The following EIF4G3 variants were observed in gnomAD, a reference collection of about 807,000 sequenced individuals.
The protein encoded by EIF4G3 is eukaryotic translation initiation factor 4 gamma 3.
Under a neutral mutation model 186.4 loss-of-function variants are expected in EIF4G3, and 34 were observed. That is an observed-to-expected ratio of 0.18 (90% CI 0.14 to 0.24). The LOEUF (loss-of-function observed/expected upper bound fraction) is 0.24, where lower values mean the gene tolerates loss of function less well. Ranked by LOEUF, EIF4G3 falls within the 10% of genes least tolerant of loss-of-function variation. EIF4G3 has a pLI of 1.00. For missense variants in EIF4G3, 1,536 were observed against 1,948.5 expected, an observed-to-expected ratio of 0.79 and a Z score of 3.99; for synonymous variants, 673 against 679.5, an observed-to-expected ratio of 0.99 and a Z score of 0.15.
chr1:21,011,209 T>TAAAA (rs970430807), intron 4 of EIF4G3, among the ~76,000 whole-genome samples: 66 of 145,434 alleles, frequency 4.5e-4, no homozygotes, highest in Middle Eastern at 3.6e-3. Flanking sequence ...AACTTTTTTT[T>TAAAA]AAAAAAAAAA....
chr1:20,880,547 T>C (rs1312467535), intron 19 of EIF4G3, among the ~76,000 whole-genome samples: 1 of 152,176 alleles, frequency 6.6e-6, no homozygotes, highest in African/African-American at 2.4e-5. Flanking sequence ...GGCCAGAGGT[T>C]CGAGACCAGC....
intron 14 of EIF4G3, chr1:20,941,282 G>T (rs945272218): frequency 1.2e-5 from 19 of 1,551,122 alleles, no homozygotes; most frequent in Non-Finnish European, 1.6e-5. Context: ...TGTATATTTG[G>T]AAATTCTCAT....
chr1:20,990,397 G>A (rs530360844), intron 7 of EIF4G3, among the ~76,000 whole-genome samples: 16 of 152,170 alleles, frequency 1.1e-4, no homozygotes, highest in African/African-American at 3.6e-4. Context: ...ATTACCAGCC[G>A]GGTGCGGTGG....
intron 14 of EIF4G3, among the ~76,000 whole-genome samples, chr1:20,920,771 T>C (rs1463706386): frequency 6.6e-6 from 1 of 152,114 alleles, no homozygotes; most frequent in Non-Finnish European, 1.5e-5. Flanking sequence ...ACCTCAGTTC[T>C]GGGCCTTTAG....
At chr1:20,936,656 T>C (rs1573120774) in intron 14 of EIF4G3, among the ~76,000 whole-genome samples, 1 of 152,222 alleles carries the variant, frequency 6.6e-6, no homozygotes, top group Non-Finnish European at 1.5e-5. Flanking sequence ...GGAAAACTGA[T>C]AGACTTTTAT....
intron 26 of EIF4G3, 33 bp downstream of exon 26, chr1:20,854,945 C>T (rs775761966): frequency 6.3e-7 from 1 of 1,577,384 alleles, no homozygotes; most frequent in Non-Finnish European, 8.7e-7. Flanking sequence ...TAACAAGCCA[C>T]AGCCAGGTTT....
At chr1:20,829,340 TA>T in intron 30 of EIF4G3, 68 bp from the exon 31 acceptor site, 3 of 1,562,906 alleles carry the variant, frequency 1.9e-6, no homozygotes, top group Non-Finnish European at 2.6e-6. Flanking sequence ...AATAAAGAGA[TA>T]AAAAATCAGT....
chr1:20,926,811 T>C (rs2094932053), intron 14 of EIF4G3, among the ~76,000 whole-genome samples: 1 of 151,858 alleles, frequency 6.6e-6, no homozygotes, highest in African/African-American at 2.4e-5. Flanking sequence ...ATCTATACAT[T>C]TGCAGAAATG....
chr1:20,853,299 CG>C (rs2073918324), intron 27 of EIF4G3, among the ~76,000 whole-genome samples: 3 of 152,130 alleles, frequency 2.0e-5, no homozygotes, highest in Admixed American at 6.5e-5. Context: ...GATTAGCTTG[CG>C]GAGCCCCTAG....
At chr1:20,913,674 T>C (rs2093518297) in intron 14 of EIF4G3, among the ~76,000 whole-genome samples, 1 of 152,198 alleles carries the variant, frequency 6.6e-6, no homozygotes. Context: ...TTATAAATTT[T>C]TTCCCTGTTT....
intron 2 of EIF4G3, among the ~76,000 whole-genome samples, chr1:21,167,032 T>C (rs1391646022): frequency 6.6e-6 from 1 of 152,122 alleles, no homozygotes; most frequent in Non-Finnish European, 1.5e-5. Context: ...TCCACCCACC[T>C]TGGGCTCCTG....
At chr1:21,100,930 C>T (rs1252239365) in intron 2 of EIF4G3, among the ~76,000 whole-genome samples, 1 of 152,032 alleles carries the variant, frequency 6.6e-6, no homozygotes, top group Non-Finnish European at 1.5e-5. Context: ...TGGAAACCAC[C>T]CAACCTGCTT....
At chr1:20,881,431 T>C (rs1243788110) in intron 19 of EIF4G3, among the ~76,000 whole-genome samples, 3 of 152,212 alleles carry the variant, frequency 2.0e-5, no homozygotes, top group African/African-American at 7.2e-5. Flanking sequence ...CGCAAGTATT[T>C]CTTAGATATG....
At chr1:21,151,944 T>C (rs907026374) in intron 2 of EIF4G3, among the ~76,000 whole-genome samples, 16 of 152,002 alleles carry the variant, frequency 1.1e-4, no homozygotes, top group African/African-American at 3.9e-4. Context: ...AAAAGACAAG[T>C]TCAAACAAAA....
At chr1:20,949,667 G>A (rs543464376) in intron 13 of EIF4G3, among the ~76,000 whole-genome samples, 8 of 152,046 alleles carry the variant, frequency 5.3e-5, no homozygotes, top group East Asian at 3.9e-4. Context: ...GAATATATAA[G>A]CTAAACTGTA....
intron 3 of EIF4G3, among the ~76,000 whole-genome samples, chr1:21,056,500 A>G (rs776066518): frequency 1.3e-4 from 20 of 152,312 alleles, no homozygotes; most frequent in Non-Finnish European, 2.5e-4. Flanking sequence ...ATTATACAGA[A>G]CAGAAATAGC....
At chr1:21,105,503 C>T (rs1049335203) in intron 2 of EIF4G3, among the ~76,000 whole-genome samples, 2 of 150,424 alleles carry the variant, frequency 1.3e-5, no homozygotes, top group African/African-American at 2.4e-5. Flanking sequence ...ATAAACAAAC[C>T]TGCATATATA....
chr1:21,080,155 A>C (rs1470004348), intron 3 of EIF4G3, among the ~76,000 whole-genome samples: 1 of 151,942 alleles, frequency 6.6e-6, no homozygotes, highest in Non-Finnish European at 1.5e-5. Flanking sequence ...CAACTAAAAA[A>C]AAAAAAAAAA....
intron 2 of EIF4G3, among the ~76,000 whole-genome samples, chr1:21,099,368 A>C (rs1334581384): frequency 6.6e-6 from 1 of 152,242 alleles, no homozygotes; most frequent in Non-Finnish European, 1.5e-5. Context: ...AATGAGTCAA[A>C]TATCTTCAAC....
Sources: gnomAD v4.1 joint callset for allele counts (sites outside exome capture counted in the v4.1 genomes callset) on GRCh38, gnomAD v4.1.1 for gene constraint, MANE v1.5 for transcripts, NCBI Gene and HGNC (gene_info 2026-07-23, HGNC 2026-07-21) for gene names.